The following MICAL2 variants were observed in gnomAD, a reference collection of about 807,000 sequenced individuals.
MICAL2 encodes [F-actin]-monooxygenase MICAL2.
Under a neutral mutation model 127.3 loss-of-function variants are expected in MICAL2, and 77 were observed. The ratio of observed to expected loss-of-function variants is 0.60; its 90% confidence interval spans 0.50 to 0.73. The LOEUF (loss-of-function observed/expected upper bound fraction) is 0.73, where lower values mean the gene tolerates loss of function less well. Among genes scored for constraint, MICAL2 ranks in the 30% least tolerant of loss-of-function variants. The probability of loss-of-function intolerance (pLI) is 0.00; values close to 1 mark genes in which losing one functional copy is unlikely to be tolerated. For synonymous variants in MICAL2, 570 were observed against 551.1 expected (o/e 1.03, Z -0.48); for missense variants, 1,351 against 1,434.4 (o/e 0.94, Z 0.94).
chr11:12,305,852 C>T (rs1864103768), intron 29 of MICAL2, among the ~76,000 whole-genome samples: 1 of 152,134 alleles, frequency 6.6e-6, no homozygotes, highest in Non-Finnish European at 1.5e-5. Context: ...GATATTTTCC[C>T]AGGCATGTGG....
Position 12,327,171 on chromosome 11 carries a change from A to C in MICAL2, c.5422-2A>C, listed in dbSNP as rs1236005667. ...GTGTGACATCTGATCCTGGTGTTGCAGGCCATCCAGAGGCAGCTGGAGGAG... is the reference window on the plus strand; with the variant it reads ...GTGTGACATCTGATCCTGGTGTTGCCGGCCATCCAGAGGCAGCTGGAGGAG... On this transcript the variant is annotated splice_acceptor_variant, in intron 31 of 34. Transcript: ENST00000646065. LOFTEE classifies it high-confidence loss of function. 1.9e-6 allele frequency: 3 copies of C among 1,551,584 alleles called. No individual in the cohort carries two copies. Among genetic ancestry groups the C allele is most frequent in the Admixed American group, 2.0e-5 (1 of 51,016 alleles).
At chr11:12,237,811 C>A (rs1490107825) in intron 16 of MICAL2, among the ~76,000 whole-genome samples, 1 of 152,244 alleles carries the variant, frequency 6.6e-6, no homozygotes, top group Non-Finnish European at 1.5e-5. Context: ...CACCCCAGAC[C>A]TACAGAAAGC....
intron 3 of MICAL2, among the ~76,000 whole-genome samples, chr11:12,165,366 C>T (rs1401373554): frequency 6.6e-6 from 1 of 152,160 alleles, no homozygotes; most frequent in Non-Finnish European, 1.5e-5. Context: ...CCAACATGAA[C>T]AGACACTGTC....
chr11:12,182,695 G>C (rs769701333), intron 3 of MICAL2, among the ~76,000 whole-genome samples: 2 of 152,120 alleles, frequency 1.3e-5, no homozygotes, highest in Non-Finnish European at 2.9e-5. Context: ...GTCAGAGGTG[G>C]TGTCGTAATG....
At chr11:12,191,471 C>CA (rs35378255) in intron 3 of MICAL2, among the ~76,000 whole-genome samples, 105,451 of 133,470 alleles carry the variant, frequency 0.79, 41,664 homozygotes, top group Non-Finnish European at 0.85. Flanking sequence ...GACTATGTCT[C>CA]AAAAAAAAAA....
intron 29 of MICAL2, among the ~76,000 whole-genome samples, chr11:12,301,493 G>C (rs1027587236): frequency 2.0e-4 from 31 of 152,190 alleles, no homozygotes; most frequent in African/African-American, 7.2e-4. Context: ...GTACATATGT[G>C]CTTGTGTCTG....
intron 29 of MICAL2, among the ~76,000 whole-genome samples, chr11:12,297,662 A>G (rs1401341931): frequency 3.3e-5 from 5 of 151,964 alleles, no homozygotes; most frequent in Non-Finnish European, 7.4e-5. Flanking sequence ...ATATTTTTAC[A>G]TTTAAGTATT....
At chr11:12,327,602 A>G (rs1423687727) in intron 32 of MICAL2, among the ~76,000 whole-genome samples, 2 of 152,182 alleles carry the variant, frequency 1.3e-5, no homozygotes, top group African/African-American at 2.4e-5. Context: ...TAAATTCAGG[A>G]GAAATATATG....
intron 21 of MICAL2, among the ~76,000 whole-genome samples, chr11:12,244,359 G>A (rs2641934): frequency 0.99 from 151,553 of 152,378 alleles, 75,372 homozygotes; most frequent in Middle Eastern, 1. Flanking sequence ...AGGGCCCACC[G>A]TATGCCACCC....
At chr11:12,208,754 T>A (rs1312520072) in intron 5 of MICAL2, among the ~76,000 whole-genome samples, 1 of 152,242 alleles carries the variant, frequency 6.6e-6, no homozygotes, top group African/African-American at 2.4e-5. Context: ...TGCCTCTGCA[T>A]CTTACTTATT....
chr11:12,128,369 A>G (rs1851123163), intron 1 of MICAL2, among the ~76,000 whole-genome samples: 1 of 152,260 alleles, frequency 6.6e-6, no homozygotes, highest in East Asian at 1.9e-4. Flanking sequence ...ATAACTGCCC[A>G]AGATAATAAG....
At chr11:12,297,353 T>C (rs1367135454) in intron 29 of MICAL2, among the ~76,000 whole-genome samples, 1 of 152,176 alleles carries the variant, frequency 6.6e-6, no homozygotes, top group Non-Finnish European at 1.5e-5. Context: ...CTGTCCTTTG[T>C]CCAGTTTTCT....
rs371526131 is a variant in MICAL2, at chr11:12,224,373, C to T, written c.1541-300C>T. On this transcript the variant is annotated intron_variant, in intron 12 of 27. Transcript: ENST00000683283. Reference sequence around the variant, plus strand: ...TTGCAGCACTGTGTCATCATCACCCCCTCTGTGACTATCTTCCCCACTAGA... The same window carrying T: ...TTGCAGCACTGTGTCATCATCACCCTCTCTGTGACTATCTTCCCCACTAGA... The T allele has an allele frequency of 8.5e-5, 29 of 339,972 alleles. No individual in the cohort carries two copies. In the South Asian group the frequency reaches 1.2e-3, roughly 15 times the overall value. The allele number at this position is 339,972 out of a possible 1,614,324, so 21.1% of individuals were successfully genotyped here.
chr11:12,268,313 G>A (rs1863631046), downstream of MICAL2, among the ~76,000 whole-genome samples: 1 of 152,260 alleles, frequency 6.6e-6, no homozygotes, highest in African/African-American at 2.4e-5. Context: ...CTGCACAGCA[G>A]CAGGTGGGCC....
At chr11:12,170,877 C>T (rs1346296773) in intron 3 of MICAL2, among the ~76,000 whole-genome samples, 2 of 152,198 alleles carry the variant, frequency 1.3e-5, no homozygotes, top group South Asian at 2.1e-4. Context: ...TGGTTCATCC[C>T]CGCGTCTCAA....
chr11:12,120,963 G>C (rs1387411882), intron 1 of MICAL2, among the ~76,000 whole-genome samples: 2 of 152,216 alleles, frequency 1.3e-5, no homozygotes, highest in African/African-American at 2.4e-5. Flanking sequence ...GGGCAGTAAG[G>C]CTGGGCCCCC....
intron 3 of MICAL2, among the ~76,000 whole-genome samples, chr11:12,188,538 T>A (rs904708668): frequency 6.6e-6 from 1 of 152,160 alleles, no homozygotes; most frequent in Non-Finnish European, 1.5e-5. Context: ...ACAACCAAAA[T>A]TATCTGGTCC....
intron 2 of MICAL2, among the ~76,000 whole-genome samples, chr11:12,147,518 T>C (rs1853066476): frequency 6.6e-6 from 1 of 152,208 alleles, no homozygotes; most frequent in East Asian, 1.9e-4. Context: ...GTGAATACTC[T>C]GGGAAATAGA....
At chr11:12,272,557 A>G (rs1417427844), upstream of MICAL2, among the ~76,000 whole-genome samples, 2 of 152,214 alleles carry the variant, frequency 1.3e-5, no homozygotes, top group Non-Finnish European at 2.9e-5. Flanking sequence ...GCTCATAGGC[A>G]CACAAGAAGC....
Sources: gnomAD v4.1 joint callset for allele counts (sites outside exome capture counted in the v4.1 genomes callset) on GRCh38, gnomAD v4.1.1 for gene constraint, MANE v1.5 for transcripts, NCBI Gene and HGNC (gene_info 2026-07-23, HGNC 2026-07-21) for gene names.